The following F5 variants were observed in gnomAD, a reference collection of about 807,000 sequenced individuals.
The protein encoded by F5 is activated protein c cofactor.
Under a neutral mutation model 216.4 loss-of-function variants are expected in F5, and 138 were observed. The observed-to-expected ratio is 0.64, with a 90% CI of 0.56 to 0.73. The LOEUF is 0.73. Among genes scored for constraint, F5 ranks in the 30% least tolerant of loss-of-function variants. The probability of loss-of-function intolerance (pLI) is 0.00; values close to 1 mark genes in which losing one functional copy is unlikely to be tolerated. For missense variants in F5, 2,403 were observed against 2,674.0 expected (o/e 0.90, Z 2.24); for synonymous variants, 916 against 930.7 (o/e 0.98, Z 0.29).
chr1:169,519,684 T>A (rs1052133566), intron 22 of F5, among the ~76,000 whole-genome samples: 2 of 152,194 alleles, frequency 1.3e-5, no homozygotes, highest in African/African-American at 4.8e-5. Context: ...CTGACAGGTG[T>A]GCCACGGCAG....
intron 20 of F5, 141 bp downstream of exon 20, chr1:169,523,660 A>T: frequency 1.2e-6 from 1 of 825,820 alleles, no homozygotes; most frequent in South Asian, 1.5e-5. Flanking sequence ...TAAGGATATA[A>T]AGTACTTAGA....
At chr1:169,548,000 C>T (rs1242515008) in intron 10 of F5, among the ~76,000 whole-genome samples, 1 of 152,172 alleles carries the variant, frequency 6.6e-6, no homozygotes, top group Non-Finnish European at 1.5e-5. Context: ...CCATAGAATA[C>T]TATGTGACCA....
intron 23 of F5, 64 bp downstream of exon 23, chr1:169,518,348 G>T: frequency 6.3e-7 from 1 of 1,577,500 alleles, no homozygotes; most frequent in Non-Finnish European, 8.7e-7. Context: ...CATGTTTGTG[G>T]TAGTGAGGGC....
rs963586856 is a variant in F5 at position 169,530,892 on chromosome 1, T to C, written c.5102A>G (p.Gln1701Arg). ...PEWFKEDNAVQPNSSYTYVWH... is the reference protein window; with the variant it reads ...PEWFKEDNAVRPNSSYTYVWH... Reference sequence around the variant, plus strand: ...TACGTAGGTATAACTGCTATTTGGCTGAACAGCATTATCTTCCTTAAACCA... The same window carrying C: ...TACGTAGGTATAACTGCTATTTGGCCGAACAGCATTATCTTCCTTAAACCA... Residue 1701 changes from glutamine to arginine, a missense_variant, in exon 15 of 25, where the codon CAG becomes CGG. By Grantham distance (43) the Gln-to-Arg change is conservative (BLOSUM62 1). Coordinates refer to ENST00000367797, the MANE Select transcript of F5 (RefSeq NM_000130.5). The C allele has an allele frequency of 6.2e-7, 1 of 1,613,978 alleles. No individual in the cohort carries two copies. Among genetic ancestry groups the C allele is most frequent in the African/African-American group, 1.3e-5 (1 of 75,044 alleles).
intron 9 of F5, among the ~76,000 whole-genome samples, chr1:169,550,429 A>G (rs1660142072): frequency 1.3e-5 from 2 of 152,060 alleles, no homozygotes; most frequent in African/African-American, 4.8e-5. Context: ...ACTAGAGGCC[A>G]CTATGACACT....
chr1:169,558,142 A>G (rs1444827970), intron 5 of F5, among the ~76,000 whole-genome samples: 1 of 152,174 alleles, frequency 6.6e-6, no homozygotes, highest in African/African-American at 2.4e-5. Flanking sequence ...TGGTTAGTCC[A>G]CTTTTGTAAG....
In F5 at chr1:169,545,270, C is replaced by T. The variant is rs9332593; in HGVS notation, c.1763-762G>A. ...TGTTTTTCTAAATGGTCTATAACTG[C>T]ATTGTTCAATATGGTAGCCACTGGC... On this transcript the variant is annotated intron_variant, in intron 11 of 24. Transcript: ENST00000367797. Among the ~76,000 whole-genome samples, 1,358 of 152,238 alleles carry T rather than the reference C, an allele frequency of 8.9e-3. 21 individuals carry two copies. The highest frequency in any genetic ancestry group is 0.03 in the African/African-American group (1,241 of 41,528).
intron 18 of F5, among the ~76,000 whole-genome samples, chr1:169,525,233 ATGCC>A (rs1372639692): frequency 6.6e-6 from 1 of 152,142 alleles, no homozygotes; most frequent in African/African-American, 2.4e-5. Flanking sequence ...GCAGTGGCTC[ATGCC>A]TGTAATCCTA....
At chr1:169,550,297 C>CCG (rs1660136541) in intron 9 of F5, among the ~76,000 whole-genome samples, 1 of 133,090 alleles carries the variant, frequency 7.5e-6, no homozygotes, top group Non-Finnish European at 1.6e-5. Flanking sequence ...CACCCCCCCC[C>CCG]CCCGACAGGC....
Position 169,540,413 on chromosome 1 carries a change from G to A in F5, c.4677C>T (p.Asn1559=), listed in dbSNP as rs1393251952. The A allele has an allele frequency of 6.2e-7, 1 of 1,614,034 alleles. No individual in the cohort carries two copies. Among genetic ancestry groups the A allele is most frequent in the Non-Finnish European group, 8.5e-7 (1 of 1,179,938 alleles). Residue 1559 remains asparagine, a synonymous_variant, in exon 13 of 25, where the codon AAC becomes AAT. Coordinates refer to ENST00000367797, the MANE Select transcript of F5 (RefSeq NM_000130.5). ...PYKTDVRTNI[N]SSRDPDNIAA... is the part of the protein sequence containing the mutation. ...CAATGTTGTCAGGATCTCTGGAGGA[G>A]TTGATGTTTGTCCTAACATCAGTTT... is the stretch of plus-strand genomic sequence containing the variant.
At chr1:169,544,594 G>T (rs75308137) in intron 11 of F5, 86 bp from the exon 12 acceptor site, 1 of 1,116,750 alleles carries the variant, frequency 9.0e-7, no homozygotes, top group Non-Finnish European at 1.3e-6. Context: ...ATGTCTCCAT[G>T]TTAATTTGGT....
At chr1:169,570,736 A>T (rs536639210) in intron 3 of F5, among the ~76,000 whole-genome samples, 169 of 152,318 alleles carry the variant, frequency 1.1e-3, no homozygotes, top group African/African-American at 4.0e-3. Context: ...ACAAGTTTTA[A>T]GATAAATACT....
At chr1:169,530,457 TAAAG>T (rs1341062652) in intron 15 of F5, among the ~76,000 whole-genome samples, 2 of 152,206 alleles carry the variant, frequency 1.3e-5, no homozygotes, top group Non-Finnish European at 1.5e-5. Flanking sequence ...GTTCTTTTCA[TAAAG>T]AAAGAGCAGA....
intron 2 of F5, among the ~76,000 whole-genome samples, chr1:169,576,600 C>T (rs547927821): frequency 1.3e-5 from 2 of 152,218 alleles, no homozygotes; most frequent in Non-Finnish European, 2.9e-5. Flanking sequence ...GGCTCAGGCC[C>T]CCATCTTTAT....
intron 1 of F5, 70 bp downstream of exon 1, chr1:169,586,159 G>T: frequency 6.3e-7 from 1 of 1,577,648 alleles, no homozygotes; most frequent in Non-Finnish European, 8.7e-7. Flanking sequence ...ACATTGCAAA[G>T]GGAATGTTCT....
rs113249658 is a variant in F5, at chr1:169,560,642, T to A, written c.498A>T (p.Pro166=). 6.2e-7 allele frequency: 1 copy of A among 1,613,752 alleles called. No individual in the cohort carries two copies. Among genetic ancestry groups the A allele is most frequent in the South Asian group, 1.1e-5 (1 of 91,070 alleles). Residue 166 remains proline (P), a synonymous_variant, in exon 4 of 25, where the codon CCA becomes CCT. Transcript: ENST00000367797. The stretch of plus-strand genomic sequence containing the variant: ...GGGAGTAATAGATGTGTGTGAGGCA[T>A]GGAGGGTCATCATGGGTGGGTCCAC... The part of the protein sequence containing the change: ...EDSGPTHDDP[P]CLTHIYYSHE...
intron 2 of F5, among the ~76,000 whole-genome samples, chr1:169,576,672 C>T (rs561998763): frequency 5.1e-4 from 77 of 152,098 alleles, no homozygotes; most frequent in Non-Finnish European, 9.6e-4. Context: ...ACTGACTGAC[C>T]CCCCTCTTCC....
At position 169,560,408 on chromosome 1, in the gene F5, T is replaced by C. The variant is rs12119880; in HGVS notation, c.586+146A>G. On this transcript the variant is annotated intron_variant, in intron 4 of 24. Coordinates refer to ENST00000367797, the MANE Select transcript of F5 (RefSeq NM_000130.5). ...TGAAATAGCAGGTGTTTTTTTCTCT[T>C]GTCAAACAATGATCTGGTCTCCGTG... is the stretch of plus-strand genomic sequence containing the variant. 10 of 732,206 alleles carry C rather than the reference T, an allele frequency of 1.4e-5. No individual in the cohort carries two copies. The East Asian group carries it at 2.7e-4, about 20-fold the overall frequency. 45.4% of individuals were successfully genotyped at this position (732,206 alleles called of 1,614,324 possible). A position where few individuals can be genotyped will look rare whatever the true frequency, so the allele number is the denominator to read the frequency against.
chr1:169,518,333 T>C, intron 23 of F5, 79 bp downstream of exon 23: 1 of 1,529,986 alleles, frequency 6.5e-7, no homozygotes, highest in Non-Finnish European at 9.0e-7. Flanking sequence ...GCTTCCCAGA[T>C]CCTCCATGTT....
Sources: allele counts gnomAD v4.1 joint callset (sites outside exome capture counted in the v4.1 genomes callset), GRCh38; gene constraint gnomAD v4.1.1; transcripts MANE v1.5; gene names NCBI Gene and HGNC (gene_info 2026-07-23, HGNC 2026-07-21).